Variants in SPRY3 observed in about 807,000 individuals in gnomAD.
SPRY3 encodes the protein protein sprouty homolog 3.
Under a neutral mutation model 20.2 loss-of-function variants are expected in SPRY3, and 15 were observed. The ratio of observed to expected loss-of-function variants is 0.74; its 90% CI spans 0.50 to 1.14. The LOEUF (loss-of-function observed/expected upper bound fraction) is 1.14. SPRY3 is among the 50% of genes most tolerant of loss of function. The pLI is 0.00. For missense variants in SPRY3, 364 were observed against 363.9 expected (o/e 1.00, Z 0.00); for synonymous variants, 143 against 136.5 (o/e 1.05, Z -0.33).
At chrX:155,635,707 G>GA (rs1264822130) in intron 1 of SPRY3, among the ~76,000 whole-genome samples, 4 of 111,765 alleles carry the variant, frequency 3.6e-5, no homozygotes, top group Non-Finnish European at 7.5e-5. Flanking sequence ...AAAAAGTCAG[G>GA]AAACAACAGA....
chrX:155,770,128 C>T (rs1569401430), intron 3 of SPRY3, among the ~76,000 whole-genome samples: 2 of 152,118 alleles, frequency 1.3e-5, no homozygotes, highest in African/African-American at 2.4e-5. Context: ...GCATTGAACC[C>T]GTGAGACTGG....
rs1375184281 is a variant in SPRY3, at chrX:155,734,305, G to A, written c.-281-33657G>A. Among the ~76,000 whole-genome samples, 5 of 151,998 alleles carry A rather than the reference G, an allele frequency of 3.3e-5. No individual in the cohort carries two copies. In the Middle Eastern group the frequency reaches 9.5e-3, roughly 289 times the overall value. The stretch of plus-strand genomic sequence containing the variant: ...AATTTCCATACTGTTGTATTTTAGG[G>A]AATAGGGAGCCCTGAGGAGAAGGAA... On this transcript the variant is annotated intron_variant, in intron 2 of 3. Coordinates refer to ENST00000675360, the Ensembl canonical transcript of SPRY3.
chrX:155,755,523 T>G (rs1239430880), intron 2 of SPRY3, among the ~76,000 whole-genome samples: 1 of 152,084 alleles, frequency 6.6e-6, no homozygotes, highest in African/African-American at 2.4e-5. Context: ...TCTCTTGGCC[T>G]CAGTTGCCCT....
At chrX:155,688,005 C>A (rs1238717229) in intron 2 of SPRY3, among the ~76,000 whole-genome samples, 1 of 110,080 alleles carries the variant, frequency 9.1e-6, no homozygotes, top group Non-Finnish European at 1.9e-5. Context: ...TTAAGCATAG[C>A]ATCCATTAGC....
chrX:155,760,532 G>T (rs951070355), intron 2 of SPRY3, among the ~76,000 whole-genome samples: 2 of 152,256 alleles, frequency 1.3e-5, no homozygotes, highest in South Asian at 4.2e-4. Flanking sequence ...GACAAAGTTT[G>T]TGTCTTTCTT....
At chrX:155,630,437 TG>T (rs782558687) in intron 1 of SPRY3, among the ~76,000 whole-genome samples, 1 of 111,919 alleles carries the variant, frequency 8.9e-6, no homozygotes, top group East Asian at 2.8e-4. Flanking sequence ...CCTCAGATTT[TG>T]TTTGTCTGAG....
exon 3 of SPRY3, chrX:155,768,031 C>G (rs1487796779): frequency 6.6e-6 from 1 of 152,104 alleles, no homozygotes; most frequent in Non-Finnish European, 1.5e-5. Context: ...TCAGACTTTC[C>G]GAAGAGAGGT....
At chrX:155,718,338 C>T (rs1449595791) in intron 2 of SPRY3, among the ~76,000 whole-genome samples, 2 of 152,060 alleles carry the variant, frequency 1.3e-5, no homozygotes, top group Non-Finnish European at 2.9e-5. Context: ...AAATACCACC[C>T]TCCCAGATAG....
At position 155,756,176 on chromosome X, in the gene SPRY3, A is replaced by G. The variant is rs138842896; in HGVS notation, c.-281-11786A>G. Among the ~76,000 whole-genome samples the G allele has an allele frequency of 5.4e-3, 828 of 152,180 alleles. 6 individuals are homozygous for G. Among genetic ancestry groups the G allele is most frequent in the African/African-American group, 0.019 (772 of 41,530 alleles). On this transcript the variant is annotated intron_variant, in intron 2 of 3. Coordinates refer to ENST00000675360, the Ensembl canonical transcript of SPRY3. ...CCTGCAGCATGCTGGCCTCCCTTAT[A>G]GAGGAGAGTGGAAAATGGTCATATC...
At chrX:155,688,424 T>A (rs905360499) in intron 2 of SPRY3, among the ~76,000 whole-genome samples, 2 of 111,348 alleles carry the variant, frequency 1.8e-5, no homozygotes, top group Non-Finnish European at 3.8e-5. Context: ...CTGGGTCAGA[T>A]AGTGTTTCTG....
At chrX:155,646,228 G>A (rs2067957365) in intron 1 of SPRY3, among the ~76,000 whole-genome samples, 1 of 111,718 alleles carries the variant, frequency 9.0e-6, no homozygotes, top group South Asian at 3.7e-4. Flanking sequence ...AAAGTTTGAT[G>A]CCTCTAGATT....
chrX:155,728,026 T>C (rs2078562046), intron 2 of SPRY3, among the ~76,000 whole-genome samples: 1 of 152,170 alleles, frequency 6.6e-6, no homozygotes, highest in African/African-American at 2.4e-5. Context: ...TTTCTGTTTG[T>C]TAGTTTTCCT....
downstream of SPRY3, chrX:155,780,804 T>C (rs944704789): frequency 1.2e-5 from 2 of 166,556 alleles, no homozygotes; most frequent in Non-Finnish European, 2.9e-5. Flanking sequence ...ATAAACCATA[T>C]TGAAAGAAAG....
At chrX:155,670,482 TAACA>T (rs1183740588) in intron 2 of SPRY3, among the ~76,000 whole-genome samples, 22 of 111,917 alleles carry the variant, frequency 2.0e-4, no homozygotes, top group Non-Finnish European at 4.2e-4. Flanking sequence ...ATCACTTAAC[TAACA>T]GTCAGGAGAA....
intron 1 of SPRY3, among the ~76,000 whole-genome samples, chrX:155,644,251 G>T (rs2067950831): frequency 9.4e-6 from 1 of 106,516 alleles, no homozygotes; most frequent in South Asian, 4.1e-4. Context: ...GCACCCCAGT[G>T]GTTACCACCA....
chrX:155,616,100 G>GTCTCTCTCCCTCTC (rs1557348835), intron 1 of SPRY3, among the ~76,000 whole-genome samples: 2 of 42,890 alleles, frequency 4.7e-5, no homozygotes, highest in Admixed American at 2.6e-4. Context: ...TTTATCTGGG[G>GTCTCTCTCCCTCTC]TCTCTCTCTC....
At chrX:155,717,069 T>G (rs1466437732) in intron 2 of SPRY3, among the ~76,000 whole-genome samples, 1 of 142,100 alleles carries the variant, frequency 7.0e-6, no homozygotes, top group African/African-American at 2.6e-5. Flanking sequence ...TGAGGCAGGA[T>G]AATTGCTTGA....
chrX:155,689,566 G>C (rs1217930270), intron 2 of SPRY3, among the ~76,000 whole-genome samples: 1 of 86,549 alleles, frequency 1.2e-5, no homozygotes, highest in African/African-American at 5.6e-5. Flanking sequence ...ATGTGTCCAG[G>C]AATTTATCAA....
chrX:155,717,469 A>T (rs948440730), intron 2 of SPRY3, among the ~76,000 whole-genome samples: 1 of 152,074 alleles, frequency 6.6e-6, no homozygotes, highest in African/African-American at 2.4e-5. Flanking sequence ...TACACATGCC[A>T]TGGTGGTTTG....
Sources: allele counts gnomAD v4.1 joint callset (sites outside exome capture counted in the v4.1 genomes callset), GRCh38; gene constraint gnomAD v4.1.1; transcripts MANE v1.5; gene names NCBI Gene and HGNC (gene_info 2026-07-23, HGNC 2026-07-21).